Variants in ATP11B observed in about 807,000 individuals in gnomAD.
ATP11B encodes phospholipid-transporting ATPase IF.
A neutral mutation model predicts 157.8 loss-of-function variants in ATP11B; 81 were observed. The ratio of observed to expected loss-of-function variants is 0.51; its 90% CI spans 0.43 to 0.62. The LOEUF (loss-of-function observed/expected upper bound fraction) is 0.62, where lower values mean the gene tolerates loss of function less well. ATP11B is among the 20% of genes least tolerant of loss of function. The probability of loss-of-function intolerance (pLI) is 0.00; values close to 1 mark genes in which losing one functional copy is unlikely to be tolerated. For synonymous variants in ATP11B, 451 were observed against 469.4 expected (o/e 0.96, Z 0.51); for missense variants, 1,165 against 1,402.2 (o/e 0.83, Z 2.70).
chr3:182,799,290 T>C lies in ATP11B; in HGVS notation c.27+5504T>C, dbSNP rs562280667. 4.6e-5 allele frequency among the ~76,000 whole-genome samples: 7 copies of C among 152,190 alleles called. No homozygotes were observed. In the South Asian group the frequency reaches 1.2e-3, roughly 27 times the overall value. On this transcript the variant is annotated intron_variant, in intron 1 of 29. Coordinates refer to ENST00000323116, the MANE Select transcript of ATP11B (RefSeq NM_014616.3). ...TGATCTTTCTTTCTTTCTTTTTTTT[T>C]TTTTTTTGGAGACAGTTTCGCTCTT...
At chr3:182,831,643 G>A (rs1718151755) in intron 4 of ATP11B, among the ~76,000 whole-genome samples, 4 of 151,632 alleles carry the variant, frequency 2.6e-5, no homozygotes. Context: ...CAGTAAGCAT[G>A]CTCCTATCTC....
At chr3:182,909,924 C>T (rs1410720916) in intron 28 of ATP11B, among the ~76,000 whole-genome samples, 4 of 151,056 alleles carry the variant, frequency 2.6e-5, no homozygotes, top group East Asian at 2.0e-4. Flanking sequence ...ATTAGCTGGG[C>T]GTGGTGGTGT....
At chr3:182,864,038 T>C (rs1470094448) in intron 12 of ATP11B, among the ~76,000 whole-genome samples, 1 of 152,122 alleles carries the variant, frequency 6.6e-6, no homozygotes, top group Non-Finnish European at 1.5e-5. Flanking sequence ...TCACCATTTA[T>C]TTGCTTTTTG....
rs368009816 is a variant in ATP11B at position 182,848,603 on chromosome 3, A to C, written c.851+46A>C. On this transcript the variant is annotated intron_variant, in intron 10 of 29. Coordinates refer to ENST00000323116, the MANE Select transcript of ATP11B (RefSeq NM_014616.3). Reference sequence around the variant, plus strand: ...TATTTATATGTAATTATAACTCTACATTTTTTATTCGTTTGGTATAAAATA... The same window carrying C: ...TATTTATATGTAATTATAACTCTACCTTTTTTATTCGTTTGGTATAAAATA... 34 of 1,087,190 alleles carry C rather than the reference A, an allele frequency of 3.1e-5. No homozygotes were observed. In the African/African-American group the frequency reaches 4.1e-4, roughly 13 times the overall value. 67.3% of individuals were successfully genotyped at this position (1,087,190 alleles called of 1,614,324 possible).
At chr3:182,883,974 AAG>A (rs1491229970) in intron 21 of ATP11B, among the ~76,000 whole-genome samples, 2 of 102,674 alleles carry the variant, frequency 1.9e-5, no homozygotes, top group Non-Finnish European at 5.4e-5. Context: ...AAAAAAAAAA[AAG>A]AATGCAGACT....
chr3:182,835,677 T>C (rs73883911), intron 4 of ATP11B, among the ~76,000 whole-genome samples: 4,850 of 151,616 alleles, frequency 0.032, 273 homozygotes, highest in African/African-American at 0.11. Context: ...ATACACATTT[T>C]GGAATTACCA....
At chr3:182,872,997 ATAGCTTAGATAT>A (rs1268751930) in intron 18 of ATP11B, among the ~76,000 whole-genome samples, 1 of 152,220 alleles carries the variant, frequency 6.6e-6, no homozygotes, top group Non-Finnish European at 1.5e-5. Flanking sequence ...TTCATAAAGT[ATAGCTTAGATAT>A]TAGCTCCAGT....
intron 1 of ATP11B, among the ~76,000 whole-genome samples, chr3:182,801,405 A>G (rs1716005036): frequency 6.6e-6 from 1 of 152,228 alleles, no homozygotes; most frequent in Non-Finnish European, 1.5e-5. Context: ...GCTTATTCTT[A>G]CTGTGTGAAG....
chr3:182,804,192 GAGCATCTCTATACATAATCTACAA>G (rs1272856274), intron 1 of ATP11B, among the ~76,000 whole-genome samples: 7 of 151,776 alleles, frequency 4.6e-5, no homozygotes, highest in African/African-American at 7.3e-5. Flanking sequence ...TATAGTCATT[GAGCATCTCTATACATAATCTACAA>G]ATAACATAGG....
At position 182,798,605 on chromosome 3, in the gene ATP11B, A is replaced by G. The variant is rs555459897; in HGVS notation, c.27+4819A>G. On this transcript the variant is annotated intron_variant, in intron 1 of 29. Transcript: ENST00000323116. ...ACTCAGGTATTCCCAGCAACACTGAAGTAGGGACCTTGCTCCAGATCCTCT... is the reference window on the plus strand; with the variant it reads ...ACTCAGGTATTCCCAGCAACACTGAGGTAGGGACCTTGCTCCAGATCCTCT... Among the ~76,000 whole-genome samples the G allele has an allele frequency of 9.7e-4, 148 of 152,354 alleles. 2 individuals are homozygous for G. Among genetic ancestry groups the G allele is most frequent in the African/African-American group, 3.3e-3 (136 of 41,582 alleles).
intron 28 of ATP11B, among the ~76,000 whole-genome samples, chr3:182,907,454 AATTAG>A (rs1315998980): frequency 2.0e-5 from 3 of 152,226 alleles, no homozygotes; most frequent in African/African-American, 7.2e-5. Flanking sequence ...TACAGTTTTA[AATTAG>A]ATTAGTGGAT....
At chr3:182,809,915 T>A (rs1296859988) in intron 1 of ATP11B, among the ~76,000 whole-genome samples, 2 of 152,222 alleles carry the variant, frequency 1.3e-5, no homozygotes, top group African/African-American at 4.8e-5. Context: ...AGTACATTTT[T>A]AAAAAATCGA....
At chr3:182,845,574 A>G (rs767143988) in intron 9 of ATP11B, 52 bp downstream of exon 9, 2 of 1,185,960 alleles carry the variant, frequency 1.7e-6, no homozygotes, top group Non-Finnish European at 1.2e-6. Flanking sequence ...GATGCTTTAT[A>G]TGAAGTACTT....
At position 182,828,111 on chromosome 3, in the gene ATP11B, TC is replaced by T; in HGVS notation, c.145-8del. On this transcript the variant is annotated splice_region_variant and splice_polypyrimidine_tract_variant and intron_variant, in intron 2 of 29. Coordinates refer to ENST00000323116, the MANE Select transcript of ATP11B (RefSeq NM_014616.3). ...TTAAATATTAATTTATTGATCTCTT[TC>T]TTTTTAGTACACTGTGTGGAATTTT... 1.6e-6 allele frequency: 2 copies of T among 1,280,608 alleles called. No homozygotes were observed. Among genetic ancestry groups the T allele is most frequent in the Non-Finnish European group, 2.1e-6 (2 of 935,462 alleles). 79.3% of individuals were successfully genotyped at this position (1,280,608 alleles called of 1,614,324 possible).
At chr3:182,915,966 T>C in intron 29 of ATP11B, 1 of 984,180 alleles carries the variant, frequency 1.0e-6, no homozygotes. Context: ...GGTTATATTA[T>C]TGGTTACTAT....
At chr3:182,837,719 A>G (rs898626716) in intron 7 of ATP11B, among the ~76,000 whole-genome samples, 9 of 152,090 alleles carry the variant, frequency 5.9e-5, no homozygotes, top group Non-Finnish European at 1.3e-4. Context: ...CTTATTATCT[A>G]TCACAGTGAA....
chr3:182,883,963 A>G (rs1484526123), intron 21 of ATP11B, among the ~76,000 whole-genome samples: 1 of 110,388 alleles, frequency 9.1e-6, no homozygotes, highest in Non-Finnish European at 2.3e-5. Flanking sequence ...TCAAAAAAAA[A>G]AAAAAAAAAA....
At chr3:182,818,362 C>T (rs2108496677) in intron 1 of ATP11B, among the ~76,000 whole-genome samples, 1 of 152,312 alleles carries the variant, frequency 6.6e-6, no homozygotes, top group South Asian at 2.1e-4. Context: ...ATTTTAAAGA[C>T]ACTTTATGAG....
rs188829427 is a variant in ATP11B at position 182,812,196 on chromosome 3, T to C, written c.28-8064T>C. ...CTTTGAAGATATTGTGAAAAAGATA[T>C]GTTTATTCATTGACTGTGTCTCCAG... is the stretch of plus-strand genomic sequence containing the variant. On this transcript the variant is annotated intron_variant, in intron 1 of 29. Transcript: ENST00000323116. Among the ~76,000 whole-genome samples, 4 of 152,270 alleles carry C rather than the reference T, an allele frequency of 2.6e-5. No homozygotes were observed. In the East Asian group the frequency reaches 5.8e-4, roughly 22 times the overall value.
Sources: gnomAD v4.1 joint callset for allele counts (sites outside exome capture counted in the v4.1 genomes callset) on GRCh38, gnomAD v4.1.1 for gene constraint, MANE v1.5 for transcripts, NCBI Gene and HGNC (gene_info 2026-07-23, HGNC 2026-07-21) for gene names.